The following ATG5 variants were observed in gnomAD, a reference collection of about 807,000 sequenced individuals.
The protein encoded by ATG5 is autophagy related 5, also known as autophagy protein 5.
A neutral mutation model predicts 36.5 loss-of-function variants in ATG5; 14 were observed. That is an observed-to-expected ratio of 0.38 (90% CI 0.25 to 0.60). The LOEUF (loss-of-function observed/expected upper bound fraction) is 0.60. Ranked by LOEUF, ATG5 falls within the 20% of genes least tolerant of loss-of-function variation. ATG5 has a pLI of 0.60. For missense variants in ATG5, 195 were observed against 326.7 expected, an observed-to-expected ratio of 0.60 and a Z score of 3.11; for synonymous variants, 95 against 101.5, an observed-to-expected ratio of 0.94 and a Z score of 0.38.
chr6:106,323,506 T>C (rs184620698), intron 1 of ATG5, among the ~76,000 whole-genome samples: 149 of 152,114 alleles, frequency 9.8e-4, no homozygotes, highest in African/African-American at 3.4e-3. Flanking sequence ...CTCTCAAAGA[T>C]GGTATTACAA....
chr6:106,254,567 C>T (rs1778727932), intron 5 of ATG5, among the ~76,000 whole-genome samples: 1 of 152,194 alleles, frequency 6.6e-6, no homozygotes, highest in African/African-American at 2.4e-5. Flanking sequence ...AAAAAGTAGA[C>T]AGTCTGGAGC....
At chr6:106,194,036 C>T (rs1372839780) in intron 7 of ATG5, among the ~76,000 whole-genome samples, 1 of 152,150 alleles carries the variant, frequency 6.6e-6, no homozygotes, top group Non-Finnish European at 1.5e-5. Context: ...CCAGAAGCAT[C>T]TTCTGTCAGT....
intron 7 of ATG5, among the ~76,000 whole-genome samples, chr6:106,188,431 T>C (rs1775852446): frequency 6.6e-6 from 1 of 152,196 alleles, no homozygotes; most frequent in Non-Finnish European, 1.5e-5. Context: ...CTAAAGTTTT[T>C]CCTTAAGCCA....
intron 6 of ATG5, among the ~76,000 whole-genome samples, chr6:106,237,320 G>C (rs3827644): frequency 0.15 from 23,201 of 152,018 alleles, 2,118 homozygotes; most frequent in Non-Finnish European, 0.2. Context: ...TTCATTAACT[G>C]AACCAAACTA....
At chr6:106,275,103 AAAG>A (rs1469203427) in intron 5 of ATG5, among the ~76,000 whole-genome samples, 2 of 152,222 alleles carry the variant, frequency 1.3e-5, no homozygotes, top group Non-Finnish European at 2.9e-5. Context: ...TAAAACAATA[AAAG>A]AAGGAAAGCT....
intron 5 of ATG5, among the ~76,000 whole-genome samples, chr6:106,273,754 C>CT (rs770519901): frequency 2.6e-5 from 4 of 152,136 alleles, no homozygotes; most frequent in Non-Finnish European, 2.9e-5. Flanking sequence ...CTACTATAAG[C>CT]AGAAGTAGTA....
chr6:106,260,931 C>T (rs1049059349), intron 5 of ATG5, among the ~76,000 whole-genome samples: 2 of 152,134 alleles, frequency 1.3e-5, no homozygotes, highest in African/African-American at 4.8e-5. Context: ...GCTTGACATT[C>T]TCAATACAAA....
intron 6 of ATG5, among the ~76,000 whole-genome samples, chr6:106,239,343 G>GAAA (rs1264321564): frequency 6.6e-6 from 1 of 152,084 alleles, no homozygotes; most frequent in African/African-American, 2.4e-5. Context: ...AACAAAATCT[G>GAAA]AATAAAAAGA....
chr6:106,314,980 A>G (rs549435804), intron 2 of ATG5, among the ~76,000 whole-genome samples: 6 of 152,350 alleles, frequency 3.9e-5, no homozygotes, highest in African/African-American at 1.4e-4. Context: ...GATGATTTCA[A>G]ACAAAATCCC....
intron 6 of ATG5, among the ~76,000 whole-genome samples, chr6:106,242,852 C>T (rs1216165083): frequency 1.3e-5 from 2 of 152,176 alleles, no homozygotes; most frequent in Non-Finnish European, 2.9e-5. Flanking sequence ...AAGATATCTA[C>T]TAAAATGGAA....
chr6:106,301,892 C>A lies in ATG5; in HGVS notation c.236+6472G>T, dbSNP rs1213686219. On this transcript the variant is annotated intron_variant, in intron 3 of 7. Coordinates refer to ENST00000369076, the MANE Select transcript of ATG5 (RefSeq NM_004849.4). Reference sequence around the variant, plus strand: ...ACCATTATCATTGCTGTTTTACAGACAAGAAAACTGAGATACAAAAAGGTC... The same window carrying A: ...ACCATTATCATTGCTGTTTTACAGAAAAGAAAACTGAGATACAAAAAGGTC... Among the ~76,000 whole-genome samples the A allele has an allele frequency of 1.1e-3, 165 of 152,060 alleles. 1 individual carries two copies. The highest frequency in any genetic ancestry group is 1.9e-4 in the Non-Finnish European group (13 of 67,882).
In ATG5 at chr6:106,325,689, G is replaced by C. The variant is rs908456706; in HGVS notation, c.-222C>G. ...AGCCCGCGCAGCCGCAAAAAGCACC[G>C]GCGCGGAGGTCGGAGCTGAACCCTG... On this transcript the variant is annotated 5_prime_UTR_variant, in exon 1 of 8. Transcript: ENST00000369076. The C allele has an allele frequency of 1.3e-5, 2 of 152,864 alleles. No homozygotes were observed. The highest frequency in any genetic ancestry group is 2.9e-5 in the Non-Finnish European group (2 of 68,140). The allele number at this position is 152,864 out of a possible 1,614,324, so 9.5% of individuals were successfully genotyped here.
At chr6:106,311,556 G>A (rs1770646281) in intron 2 of ATG5, among the ~76,000 whole-genome samples, 1 of 152,136 alleles carries the variant, frequency 6.6e-6, no homozygotes, top group African/African-American at 2.4e-5. Flanking sequence ...AACAAAGATG[G>A]GCACATTTGA....
At chr6:106,200,561 G>A (rs1410494572) in intron 7 of ATG5, among the ~76,000 whole-genome samples, 1 of 150,876 alleles carries the variant, frequency 6.6e-6, no homozygotes, top group Non-Finnish European at 1.5e-5. Context: ...TGCAAGCTCC[G>A]CCTTGTGGGT....
At chr6:106,268,704 G>T (rs1779321582) in intron 5 of ATG5, among the ~76,000 whole-genome samples, 1 of 152,104 alleles carries the variant, frequency 6.6e-6, no homozygotes, top group South Asian at 2.1e-4. Context: ...CCATAAAAAA[G>T]AATGATTTTG....
chr6:106,237,721 T>C lies in ATG5; in HGVS notation c.573+10429A>G, dbSNP rs925880984. ...ATTGAAAATCCAGTCCCGAATTCCA[T>C]AAAATGTATGATATGAACATTATAG... On this transcript the variant is annotated intron_variant, in intron 6 of 7. Transcript: ENST00000369076. Among the ~76,000 whole-genome samples, 6 of 152,308 alleles carry C rather than the reference T, an allele frequency of 3.9e-5. No individual in the cohort carries two copies. The East Asian group carries it at 1.2e-3, about 29-fold the overall frequency.
chr6:106,210,959 T>C (rs2114391466), intron 6 of ATG5, among the ~76,000 whole-genome samples: 1 of 152,284 alleles, frequency 6.6e-6, no homozygotes, highest in African/African-American at 2.4e-5. Flanking sequence ...TCAAAAAAAA[T>C]AAGGATTATA....
intron 4 of ATG5, among the ~76,000 whole-genome samples, chr6:106,284,217 T>A (rs1159401124): frequency 6.6e-6 from 1 of 152,224 alleles, no homozygotes; most frequent in East Asian, 1.9e-4. Context: ...AGAACTGCTG[T>A]GTAATGTGGT....
chr6:106,323,406 C>T (rs892567525), intron 1 of ATG5, among the ~76,000 whole-genome samples: 1 of 151,298 alleles, frequency 6.6e-6, no homozygotes, highest in Non-Finnish European at 1.5e-5. Flanking sequence ...TCCCAAGTAG[C>T]CAGGACTACA....
Sources: allele counts gnomAD v4.1 joint callset (sites outside exome capture counted in the v4.1 genomes callset), GRCh38; gene constraint gnomAD v4.1.1; transcripts MANE v1.5; gene names NCBI Gene and HGNC (gene_info 2026-07-23, HGNC 2026-07-21).